The following PIK3C3 variants were observed in gnomAD, a reference collection of about 807,000 sequenced individuals.
The protein encoded by PIK3C3 is PI3-kinase type 3.
In PIK3C3, 95 loss-of-function variants were observed where a neutral mutation model predicts 126.1. The observed-to-expected ratio is 0.75, with a 90% CI of 0.64 to 0.89. The LOEUF (loss-of-function observed/expected upper bound fraction) is 0.89, where lower values mean the gene tolerates loss of function less well. PIK3C3 is among the 40% of genes least tolerant of loss of function. The pLI is 0.00. For synonymous variants in PIK3C3, 374 were observed against 360.0 expected (o/e 1.04, Z -0.44); for missense variants, 829 against 1,063.2 (o/e 0.78, Z 3.06).
intron 6 of PIK3C3, among the ~76,000 whole-genome samples, chr18:41,992,511 TAC>T (rs1206622282): frequency 6.6e-6 from 1 of 152,180 alleles, no homozygotes; most frequent in East Asian, 1.9e-4. Flanking sequence ...ATGCTAAATA[TAC>T]AGTCATGAGA....
intron 23 of PIK3C3, 93 bp from the exon 24 acceptor site, chr18:42,067,295 G>A (rs1329218508): frequency 8.9e-7 from 1 of 1,121,390 alleles, no homozygotes; most frequent in African/African-American, 1.5e-5. Flanking sequence ...AATAGCTCAT[G>A]TTACCTTATA....
At chr18:42,080,970 A>G (rs537453420) in intron 24 of PIK3C3, among the ~76,000 whole-genome samples, 153 bp from the exon 25 acceptor site, 14 of 152,322 alleles carry the variant, frequency 9.2e-5, no homozygotes, top group African/African-American at 2.9e-4. Flanking sequence ...CCTATACAGT[A>G]TAGTTAATTG....
At position 42,043,798 on chromosome 18, in the gene PIK3C3, C is replaced by T. The variant is rs1984434581; in HGVS notation, c.2169C>T (p.Asp723=). The T allele has an allele frequency of 6.2e-7, 1 of 1,612,290 alleles. No individual in the cohort carries two copies. ...GPNGISAEVM[D]TYVKSCAGYC... is the part of the protein sequence containing the mutation. Reference sequence around the variant, plus strand: ...ATGGGATTAGTGCTGAGGTCATGGACACTTACGTTAAAAGCTGTGGTAAGT... The same window carrying T: ...ATGGGATTAGTGCTGAGGTCATGGATACTTACGTTAAAAGCTGTGGTAAGT... Residue 723 remains aspartate, a synonymous_variant, in exon 20 of 25, where the codon GAC becomes GAT. Coordinates refer to ENST00000262039, the MANE Select transcript of PIK3C3 (RefSeq NM_002647.4).
intron 3 of PIK3C3, 48 bp from the exon 4 acceptor site, chr18:41,970,279 T>C (rs1425696070): frequency 4.5e-6 from 7 of 1,545,208 alleles, no homozygotes; most frequent in Non-Finnish European, 6.2e-6. Flanking sequence ...TTTCCTGTAA[T>C]GAACTGTATT....
intron 3 of PIK3C3, among the ~76,000 whole-genome samples, chr18:41,967,554 G>T (rs146452495): frequency 6.6e-6 from 1 of 152,138 alleles, no homozygotes; most frequent in African/African-American, 2.4e-5. Flanking sequence ...GTGACTATCA[G>T]CTCTTGCTGT....
At chr18:42,048,442 C>T (rs1488325051) in intron 20 of PIK3C3, among the ~76,000 whole-genome samples, 1 of 152,136 alleles carries the variant, frequency 6.6e-6, no homozygotes, top group Non-Finnish European at 1.5e-5. Context: ...TTTCATTGGA[C>T]ACAAATCCCA....
In PIK3C3 at chr18:42,003,038, G is replaced by A. The variant is rs997525593; in HGVS notation, c.985-1318G>A. Among the ~76,000 whole-genome samples, 5 of 152,156 alleles carry A rather than the reference G, an allele frequency of 3.3e-5. No homozygotes were observed. The East Asian group carries it at 9.6e-4, about 29-fold the overall frequency. On this transcript the variant is annotated intron_variant, in intron 9 of 24. Coordinates refer to ENST00000262039, the MANE Select transcript of PIK3C3 (RefSeq NM_002647.4). ...TTGGTGGACCTGAGTTCTACATCTAGCTCATGCACCATCTTGAGGTGATGG... is the reference window on the plus strand; with the variant it reads ...TTGGTGGACCTGAGTTCTACATCTAACTCATGCACCATCTTGAGGTGATGG...
intron 2 of PIK3C3, 97 bp from the exon 3 acceptor site, chr18:41,962,392 C>A (rs770310355): frequency 3.4e-5 from 34 of 1,001,946 alleles, no homozygotes; most frequent in Admixed American, 3.7e-5. Context: ...ATTTTTGGAA[C>A]CTTTTCCTCT....
intron 24 of PIK3C3, among the ~76,000 whole-genome samples, chr18:42,076,697 C>A (rs1208440564): frequency 6.6e-6 from 1 of 152,132 alleles, no homozygotes; most frequent in African/African-American, 2.4e-5. Context: ...GCAGAATGCC[C>A]CATAATTTTC....
At chr18:42,051,120 C>G (rs1984783552) in intron 21 of PIK3C3, 3 of 152,242 alleles carry the variant, frequency 2.0e-5, no homozygotes, top group African/African-American at 4.8e-5. Context: ...ACAGAAGAGA[C>G]AGAAATCCTT....
chr18:41,971,293 T>G (rs1980654519), intron 4 of PIK3C3: 2 of 152,108 alleles, frequency 1.3e-5, no homozygotes, highest in African/African-American at 4.8e-5. Flanking sequence ...TGGAGGAAGT[T>G]TTGTTGCTAA....
intron 12 of PIK3C3, among the ~76,000 whole-genome samples, chr18:42,017,304 G>T (rs1567985169): frequency 6.6e-6 from 1 of 151,996 alleles, no homozygotes; most frequent in Non-Finnish European, 1.5e-5. Flanking sequence ...TTTATTCTTG[G>T]AGTTTCAGGA....
At chr18:41,970,804 C>T (rs906546534) in intron 4 of PIK3C3, 9 of 389,764 alleles carry the variant, frequency 2.3e-5, no homozygotes, top group African/African-American at 1.9e-4. Flanking sequence ...TATGGATTTG[C>T]CTGTTCTGGA....
At chr18:42,020,765 T>C (rs1983285695) in intron 13 of PIK3C3, 60 bp downstream of exon 13, 2 of 910,524 alleles carry the variant, frequency 2.2e-6, no homozygotes, top group Non-Finnish European at 3.5e-6. Flanking sequence ...TTTTTTCTCA[T>C]GCTATAAACA....
At chr18:42,070,482 C>T (rs1326328951) in intron 24 of PIK3C3, 1 of 151,852 alleles carries the variant, frequency 6.6e-6, no homozygotes, top group Admixed American at 6.6e-5. Context: ...ATAGAAGGGC[C>T]ATTTTTCTTA....
At chr18:42,068,942 T>TC (rs1434273691) in intron 24 of PIK3C3, among the ~76,000 whole-genome samples, 1 of 121,438 alleles carries the variant, frequency 8.2e-6, no homozygotes, top group Non-Finnish European at 1.6e-5. Context: ...AGAGCGAGAC[T>TC]CCGTCTCAAA....
chr18:42,059,606 ACAGG>A (rs1985226843), intron 22 of PIK3C3, among the ~76,000 whole-genome samples: 2 of 152,186 alleles, frequency 1.3e-5, no homozygotes, highest in African/African-American at 2.4e-5. Context: ...GAATAAGAAA[ACAGG>A]CAGGTTATTA....
chr18:42,036,084 G>T (rs1984037420), intron 16 of PIK3C3, among the ~76,000 whole-genome samples: 1 of 152,008 alleles, frequency 6.6e-6, no homozygotes, highest in Non-Finnish European at 1.5e-5. Flanking sequence ...AATTACTAGG[G>T]CTCAAGGTAA....
intron 3 of PIK3C3, among the ~76,000 whole-genome samples, chr18:41,967,873 A>G (rs929601592): frequency 1.3e-5 from 2 of 152,204 alleles, no homozygotes; most frequent in African/African-American, 2.4e-5. Flanking sequence ...TATCAACAGC[A>G]GCTGTTGCTG....
Sources: allele counts gnomAD v4.1 joint callset (sites outside exome capture counted in the v4.1 genomes callset), GRCh38; gene constraint gnomAD v4.1.1; transcripts MANE v1.5; gene names NCBI Gene and HGNC (gene_info 2026-07-23, HGNC 2026-07-21).